Variants in MACROD2 observed in about 807,000 individuals in gnomAD.
The protein encoded by MACROD2 is ADP-ribose glycohydrolase MACROD2.
In MACROD2, 36 loss-of-function variants were observed where a neutral mutation model predicts 70.4. The observed-to-expected ratio is 0.51, with a 90% confidence interval of 0.39 to 0.68. The LOEUF is 0.68. Among genes scored for constraint, MACROD2 ranks in the 30% least tolerant of loss-of-function variants. MACROD2 has a pLI of 0.00. For synonymous variants in MACROD2, 172 were observed against 178.8 expected (o/e 0.96, Z 0.30); for missense variants, 496 against 538.4 (o/e 0.92, Z 0.78).
chr20:14,258,800 A>G (rs1475943920), intron 3 of MACROD2, among the ~76,000 whole-genome samples: 8 of 152,158 alleles, frequency 5.3e-5, no homozygotes, highest in Admixed American at 5.2e-4. Flanking sequence ...AACGTCTAGA[A>G]GAGTTTTACC....
At chr20:14,887,244 C>T (rs1056407208) in intron 5 of MACROD2, among the ~76,000 whole-genome samples, 2 of 152,010 alleles carry the variant, frequency 1.3e-5, no homozygotes, top group African/African-American at 4.8e-5. Context: ...ATGTCCTGCC[C>T]TCAATGGACT....
Position 14,122,626 on chromosome 20 carries a change from AG to A in MACROD2, c.271+36903del, listed in dbSNP as rs143894126. 7.7e-3 allele frequency among the ~76,000 whole-genome samples: 1,176 copies of A among 152,252 alleles called. 17 individuals carry two copies. The highest frequency in any genetic ancestry group is 0.026 in the African/African-American group (1,084 of 41,548). On this transcript the variant is annotated intron_variant, in intron 3 of 17. Coordinates refer to ENST00000684519, the MANE Select transcript of MACROD2 (RefSeq NM_001351661.2). ...TGATAAGATCAATAATTCCTTCTCA[AG>A]GGGGTGTCAGAACGAATATTTGAAA...
chr20:15,071,100 G>A (rs543624203), intron 5 of MACROD2, among the ~76,000 whole-genome samples: 2 of 152,134 alleles, frequency 1.3e-5, no homozygotes, highest in South Asian at 4.1e-4. Context: ...TAAGAAATAT[G>A]AGCTCCCAAT....
At chr20:16,021,277 C>T (rs944642132) in intron 15 of MACROD2, among the ~76,000 whole-genome samples, 1 of 152,224 alleles carries the variant, frequency 6.6e-6, no homozygotes, top group African/African-American at 2.4e-5. Flanking sequence ...CGCATTCTCT[C>T]CTGGACATTG....
chr20:15,077,195 T>TTTTG (rs566178648), intron 5 of MACROD2, among the ~76,000 whole-genome samples: 129 of 152,288 alleles, frequency 8.5e-4, no homozygotes, highest in African/African-American at 2.7e-3. Context: ...TAACTCCTTT[T>TTTTG]TTTGTTTGTT....
intron 5 of MACROD2, among the ~76,000 whole-genome samples, chr20:14,977,654 G>A (rs961858629): frequency 2.6e-5 from 4 of 151,982 alleles, no homozygotes; most frequent in Admixed American, 6.6e-5. Flanking sequence ...AGAGATAACC[G>A]TTGTACAAGT....
chr20:15,497,294 TCTC>T (rs2146486503), intron 7 of MACROD2, among the ~76,000 whole-genome samples: 1 of 151,692 alleles, frequency 6.6e-6, no homozygotes, highest in Non-Finnish European at 1.5e-5. Context: ...CTGGCCTCCT[TCTC>T]CTTCTTTTTT....
intron 4 of MACROD2, among the ~76,000 whole-genome samples, chr20:14,595,063 T>C (rs1160467661): frequency 1.3e-5 from 2 of 152,158 alleles, no homozygotes; most frequent in East Asian, 3.8e-4. Flanking sequence ...AAACCATATG[T>C]ACTGTTTTAT....
chr20:14,453,418 C>G (rs2084266194), intron 3 of MACROD2, among the ~76,000 whole-genome samples: 1 of 152,016 alleles, frequency 6.6e-6, no homozygotes, highest in Admixed American at 6.6e-5. Context: ...TCCTGCTTAC[C>G]TTGCATGTGG....
At chr20:15,793,785 G>C (rs926085824) in intron 8 of MACROD2, among the ~76,000 whole-genome samples, 8 of 146,136 alleles carry the variant, frequency 5.5e-5, no homozygotes, top group African/African-American at 2.0e-4. Context: ...AGAATATTGG[G>C]GATTTACATT....
intron 8 of MACROD2, among the ~76,000 whole-genome samples, chr20:15,550,276 A>G (rs981687688): frequency 6.7e-6 from 1 of 149,208 alleles, no homozygotes; most frequent in African/African-American, 2.4e-5. Context: ...TATTTAAAAT[A>G]AGAAATATTT....
At chr20:14,088,679 T>C (rs2054112739) in intron 3 of MACROD2, among the ~76,000 whole-genome samples, 1 of 152,198 alleles carries the variant, frequency 6.6e-6, no homozygotes, top group African/African-American at 2.4e-5. Context: ...GTAATAATGG[T>C]CTTTGTTGGA....
chr20:15,459,177 A>T (rs533910156), intron 7 of MACROD2, among the ~76,000 whole-genome samples: 18 of 152,142 alleles, frequency 1.2e-4, no homozygotes, highest in Admixed American at 1.1e-3. Flanking sequence ...CTTTTTAAAA[A>T]TTTTTCCATG....
At chr20:15,424,975 GTA>G (rs2046278792) in intron 6 of MACROD2, among the ~76,000 whole-genome samples, 1 of 152,182 alleles carries the variant, frequency 6.6e-6, no homozygotes, top group Non-Finnish European at 1.5e-5. Context: ...TGAGGAGGAG[GTA>G]TGTGTCTTGA....
At chr20:14,033,162 A>T (rs2053266312) in intron 2 of MACROD2, among the ~76,000 whole-genome samples, 1 of 144,664 alleles carries the variant, frequency 6.9e-6, no homozygotes, top group Admixed American at 7.0e-5. Flanking sequence ...AAGTTGTCTT[A>T]GTTTTTTTCC....
At chr20:14,340,656 T>C (rs1183379805) in intron 3 of MACROD2, among the ~76,000 whole-genome samples, 2 of 152,172 alleles carry the variant, frequency 1.3e-5, no homozygotes, top group Non-Finnish European at 2.9e-5. Flanking sequence ...TGGGTTCTAG[T>C]AGATATTTTG....
chr20:15,727,231 A>G (rs1040986058), intron 8 of MACROD2, among the ~76,000 whole-genome samples: 1 of 151,628 alleles, frequency 6.6e-6, no homozygotes, highest in African/African-American at 2.4e-5. Context: ...TTTTAACTTA[A>G]CAAAAACAGA....
chr20:14,225,606 A>G (rs2081725392), intron 3 of MACROD2, among the ~76,000 whole-genome samples: 1 of 152,178 alleles, frequency 6.6e-6, no homozygotes, highest in Admixed American at 6.5e-5. Flanking sequence ...CTTTAATACA[A>G]CCTTATGCCA....
intron 2 of MACROD2, among the ~76,000 whole-genome samples, chr20:14,063,674 T>G (rs6042502): frequency 0.012 from 1,803 of 152,344 alleles, 33 homozygotes; most frequent in African/African-American, 0.041. Context: ...TCCCCAAGAT[T>G]ATGTGTATGC....
Sources: allele counts gnomAD v4.1 joint callset (sites outside exome capture counted in the v4.1 genomes callset), GRCh38; gene constraint gnomAD v4.1.1; transcripts MANE v1.5; gene names NCBI Gene and HGNC (gene_info 2026-07-23, HGNC 2026-07-21).